NRXN1: variants seen among roughly 807,000 people sequenced by gnomAD.
NRXN1 encodes the protein neurexin 1.
NRXN1 carries 39 observed loss-of-function variants against 150.9 expected under a neutral mutation model. The ratio of observed to expected loss-of-function variants is 0.26; its 90% CI spans 0.20 to 0.34. The LOEUF (loss-of-function observed/expected upper bound fraction) is 0.34, where lower values mean the gene tolerates loss of function less well. NRXN1 is among the 10% of genes least tolerant of loss of function. The pLI is 1.00. For missense variants in NRXN1, 1,815 were observed against 1,949.9 expected (o/e 0.93, Z 1.30); for synonymous variants, 924 against 757.0 (o/e 1.22, Z -3.62).
At chr2:50,960,913 T>G (rs1693069691) in intron 2 of NRXN1, among the ~76,000 whole-genome samples, 2 of 152,002 alleles carry the variant, frequency 1.3e-5, no homozygotes, top group South Asian at 4.1e-4. Context: ...ATAGTCAAAA[T>G]ATGATATAAA....
intron 5 of NRXN1, among the ~76,000 whole-genome samples, chr2:50,635,605 T>C (rs1236404018): frequency 2.0e-5 from 3 of 152,180 alleles, no homozygotes; most frequent in Non-Finnish European, 4.4e-5. Flanking sequence ...CCAGCTTTCA[T>C]TTCTTTCCCA....
intron 17 of NRXN1, among the ~76,000 whole-genome samples, chr2:50,306,600 T>C (rs1020441740): frequency 2.0e-5 from 3 of 152,250 alleles, no homozygotes; most frequent in African/African-American, 7.2e-5. Context: ...TCTCAGTAAG[T>C]ACTTTCCCCT....
At chr2:50,986,259 G>A (rs2104938274) in intron 2 of NRXN1, among the ~76,000 whole-genome samples, 1 of 151,780 alleles carries the variant, frequency 6.6e-6, no homozygotes, top group African/African-American at 2.4e-5. Flanking sequence ...TATAAATTAG[G>A]AGAGACTCTT....
At chr2:50,250,433 ATAT>A (rs2066928159) in intron 17 of NRXN1, among the ~76,000 whole-genome samples, 1 of 121,142 alleles carries the variant, frequency 8.3e-6, no homozygotes, top group Admixed American at 8.4e-5. Flanking sequence ...TCACTTTTTA[ATAT>A]TTTTTTTTTT....
chr2:50,338,104 C>A (rs2077308747), intron 17 of NRXN1, among the ~76,000 whole-genome samples: 1 of 152,232 alleles, frequency 6.6e-6, no homozygotes, highest in Non-Finnish European at 1.5e-5. Flanking sequence ...ACATTATTTG[C>A]ATATTTAACA....
At chr2:50,202,018 C>G (rs1417409656) in intron 18 of NRXN1, among the ~76,000 whole-genome samples, 10 of 152,324 alleles carry the variant, frequency 6.6e-5, no homozygotes, top group African/African-American at 2.4e-4. Context: ...CTCTCCTAAT[C>G]AAGACATTAT....
intron 5 of NRXN1, among the ~76,000 whole-genome samples, chr2:50,751,437 C>CAA (rs777126745): frequency 2.0e-5 from 3 of 151,912 alleles, no homozygotes; most frequent in East Asian, 3.9e-4. Flanking sequence ...AACAAACTTC[C>CAA]AAGTGATGGC....
chr2:50,175,536 A>G (rs1475844237), intron 18 of NRXN1, among the ~76,000 whole-genome samples: 2 of 152,070 alleles, frequency 1.3e-5, no homozygotes, highest in African/African-American at 2.4e-5. Context: ...ATTAAGACTT[A>G]CTACTTTTAG....
Position 50,363,893 on chromosome 2 carries a change from T to C in NRXN1, c.3364+101549A>G, listed in dbSNP as rs545452544. On this transcript the variant is annotated intron_variant, in intron 17 of 22. Coordinates refer to ENST00000401669, the MANE Select transcript of NRXN1 (RefSeq NM_001330078.2). The stretch of plus-strand genomic sequence containing the variant: ...AAAGAAAATGTGCACATATACACCA[T>C]GGAATACTATGCAGCCATAAAAAAG... Among the ~76,000 whole-genome samples the C allele has an allele frequency of 5.9e-5, 9 of 152,272 alleles. No homozygotes were observed. The South Asian group carries it at 1.9e-3, about 32-fold the overall frequency.
chr2:50,487,749 C>G (rs2090979797), intron 15 of NRXN1, among the ~76,000 whole-genome samples: 1 of 152,210 alleles, frequency 6.6e-6, no homozygotes, highest in South Asian at 2.1e-4. Flanking sequence ...ATGATAGTGA[C>G]ATTCCCTTTT....
At chr2:50,159,354 A>G (rs1352027536) in intron 18 of NRXN1, among the ~76,000 whole-genome samples, 2 of 152,140 alleles carry the variant, frequency 1.3e-5, no homozygotes, top group African/African-American at 4.8e-5. Flanking sequence ...TAATCTTTAG[A>G]TCTTAGTTAT....
chr2:50,970,672 G>A (rs1694856016), intron 2 of NRXN1, among the ~76,000 whole-genome samples: 1 of 151,980 alleles, frequency 6.6e-6, no homozygotes, highest in Non-Finnish European at 1.5e-5. Context: ...AGCAAATAAT[G>A]AAATCTTTAA....
chr2:50,511,735 G>A (rs548177169), intron 12 of NRXN1, among the ~76,000 whole-genome samples: 34 of 152,264 alleles, frequency 2.2e-4, no homozygotes, highest in African/African-American at 7.9e-4. Context: ...AGAGGAAAAT[G>A]TGTGTTAGCA....
Position 50,190,221 on chromosome 2 carries a change from A to C in NRXN1, c.3546+46568T>G, listed in dbSNP as rs186867864. Among the ~76,000 whole-genome samples the C allele has an allele frequency of 2.8e-3, 424 of 152,304 alleles. 2 individuals carry two copies. The highest frequency in any genetic ancestry group is 9.5e-3 in the African/African-American group (396 of 41,568). On this transcript the variant is annotated intron_variant, in intron 18 of 22. Coordinates refer to ENST00000401669, the MANE Select transcript of NRXN1 (RefSeq NM_001330078.2). ...TTTGCAATTAAATACCATTTTCCTT[A>C]AAAGAGTAAGAATATATTTCAACTA...
intron 2 of NRXN1, among the ~76,000 whole-genome samples, chr2:50,999,719 C>A: frequency 6.6e-6 from 1 of 152,104 alleles, no homozygotes; most frequent in Middle Eastern, 3.4e-3. Context: ...CATTTTGGAG[C>A]CATCTCTGAC....
chr2:49,935,212 G>T (rs1670821789), intron 22 of NRXN1, among the ~76,000 whole-genome samples: 1 of 152,134 alleles, frequency 6.6e-6, no homozygotes, highest in South Asian at 2.1e-4. Flanking sequence ...TCATTTTGCA[G>T]ATGTAAAAAG....
At chr2:50,798,674 T>TA (rs1223258905) in intron 5 of NRXN1, among the ~76,000 whole-genome samples, 2 of 152,174 alleles carry the variant, frequency 1.3e-5, no homozygotes, top group Admixed American at 6.6e-5. Context: ...GGTAAAGAAA[T>TA]ATCAGAAATG....
At chr2:50,157,697 T>C (rs1237292393) in intron 18 of NRXN1, among the ~76,000 whole-genome samples, 1 of 151,830 alleles carries the variant, frequency 6.6e-6, no homozygotes, top group Non-Finnish European at 1.5e-5. Flanking sequence ...ATGGAGGCAG[T>C]AAGAATGGAG....
rs148788210 is a variant in NRXN1, at chr2:50,878,802, G to C, written c.832+43067C>G. ...AAACTCTTCAGAATCACCTCTGCCT[G>C]GTAGAGTTTTTCCTTCCCCAGGGAT... On this transcript the variant is annotated intron_variant, in intron 5 of 22. Transcript: ENST00000401669. Among the ~76,000 whole-genome samples, 671 of 152,036 alleles carry C rather than the reference G, an allele frequency of 4.4e-3. 4 individuals are homozygous for C. The highest frequency in any genetic ancestry group is 0.015 in the African/African-American group (617 of 41,496).
Sources: gnomAD v4.1 joint callset for allele counts (sites outside exome capture counted in the v4.1 genomes callset) on GRCh38, gnomAD v4.1.1 for gene constraint, MANE v1.5 for transcripts, NCBI Gene and HGNC (gene_info 2026-07-23, HGNC 2026-07-21) for gene names.